Variants in PAPPA observed in about 807,000 individuals in gnomAD.
PAPPA encodes the protein pappalysin 1, also known as pappalysin-1.
A neutral mutation model predicts 164.0 loss-of-function variants in PAPPA; 60 were observed. The ratio of observed to expected loss-of-function variants is 0.37; its 90% confidence interval spans 0.30 to 0.45. The LOEUF (loss-of-function observed/expected upper bound fraction) is 0.45, where lower values mean the gene tolerates loss of function less well. PAPPA is among the 20% of genes least tolerant of loss of function. PAPPA has a pLI of 1.00. For synonymous variants in PAPPA, 875 were observed against 814.1 expected (o/e 1.07, Z -1.27); for missense variants, 1,782 against 2,087.3 (o/e 0.85, Z 2.85).
At chr9:116,178,724 C>A (rs1432956830) in intron 1 of PAPPA, among the ~76,000 whole-genome samples, 1 of 152,304 alleles carries the variant, frequency 6.6e-6, no homozygotes, top group East Asian at 1.9e-4. Context: ...TTAGTTCCCC[C>A]ACTACAACTG....
intron 10 of PAPPA, among the ~76,000 whole-genome samples, chr9:116,321,850 G>T (rs752134338): frequency 3.3e-5 from 5 of 152,188 alleles, no homozygotes; most frequent in Non-Finnish European, 7.3e-5. Flanking sequence ...CTCATACATG[G>T]AGATTCAGAT....
chr9:116,201,605 A>T (rs1440643913), intron 2 of PAPPA, among the ~76,000 whole-genome samples: 3 of 151,886 alleles, frequency 2.0e-5, no homozygotes, highest in African/African-American at 7.3e-5. Flanking sequence ...TGAGTTGGGT[A>T]CTCTTCTAGG....
At chr9:116,393,686 T>C (rs1846923584) in intron 21 of PAPPA, among the ~76,000 whole-genome samples, 1 of 152,162 alleles carries the variant, frequency 6.6e-6, no homozygotes, top group South Asian at 2.1e-4. Flanking sequence ...TTGGTCAGAC[T>C]ACTGAGGGAG....
intron 1 of PAPPA, among the ~76,000 whole-genome samples, chr9:116,161,424 A>C (rs1373407552): frequency 6.6e-6 from 1 of 152,226 alleles, no homozygotes; most frequent in African/African-American, 2.4e-5. Context: ...CTTCTGGGAC[A>C]AGGGTGAAGG....
chr9:116,175,169 G>A (rs900653918), intron 1 of PAPPA, among the ~76,000 whole-genome samples: 5 of 152,110 alleles, frequency 3.3e-5, no homozygotes, highest in Non-Finnish European at 7.4e-5. Context: ...GAAACATCGA[G>A]GGCCAGAAAG....
Position 116,192,728 on chromosome 9 carries a change from A to C in PAPPA, c.1478+4512A>C, listed in dbSNP as rs945749318. On this transcript the variant is annotated intron_variant, in intron 2 of 21. Transcript: ENST00000328252. ...TCCAGGTGAACTGTGGCCATTCTCT[A>C]CAGTGGTGGAGAATAGCCAGGGAGG... is the stretch of plus-strand genomic sequence containing the variant. Among the ~76,000 whole-genome samples the C allele has an allele frequency of 4.6e-5, 7 of 152,360 alleles. No individual in the cohort carries two copies. The South Asian group carries it at 1.5e-3, about 32-fold the overall frequency.
At position 116,207,477 on chromosome 9, in the gene PAPPA, G is replaced by C. The variant is rs866353661; in HGVS notation, c.1500G>C (p.Glu500Asp). 6.2e-7 allele frequency: 1 copy of C among 1,612,532 alleles called. No individual in the cohort carries two copies. The highest frequency in any genetic ancestry group is 1.3e-5 in the African/African-American group (1 of 74,940). The change falls in exon 3 of 22, where the codon GAG becomes GAC. Residue 500 changes from glutamate to aspartate, a missense_variant. Glu to Asp is a conservative substitution (Grantham distance 45, BLOSUM62 2). This residue lies in a region of PAPPA where 1,324 missense variants were observed against 1,656.9 expected (regional missense o/e 0.80). Coordinates refer to ENST00000328252, the MANE Select transcript of PAPPA (RefSeq NM_002581.5). ...SPHRAYLDVN[E>D]LKNILKLDGS... The stretch of plus-strand genomic sequence containing the variant: ...TCAGAGCCTACTTGGATGTTAATGA[G>C]CTGAAGAACATTCTTAAATTGGATG...
chr9:116,247,975 T>G (rs987421903), intron 7 of PAPPA, among the ~76,000 whole-genome samples: 1 of 152,350 alleles, frequency 6.6e-6, no homozygotes, highest in Middle Eastern at 3.4e-3. Context: ...GATAAGATAA[T>G]AGACTTGCAA....
intron 2 of PAPPA, among the ~76,000 whole-genome samples, chr9:116,203,465 A>G (rs1844194352): frequency 6.6e-6 from 1 of 152,194 alleles, no homozygotes; most frequent in South Asian, 2.1e-4. Context: ...GATGGAAAAG[A>G]CAGATGCTCA....
In PAPPA at chr9:116,154,069, A is replaced by G; in HGVS notation, c.-104A>G. 8 of 1,157,244 alleles carry G rather than the reference A, an allele frequency of 6.9e-6. No homozygotes were observed. The highest frequency in any genetic ancestry group is 8.6e-6 in the Non-Finnish European group (8 of 931,476). The allele number at this position is 1,157,244 out of a possible 1,614,324, so 71.7% of individuals were successfully genotyped here. A position where few individuals can be genotyped will look rare whatever the true frequency, so the allele number is the denominator to read the frequency against. On this transcript the variant is annotated 5_prime_UTR_variant, in exon 1 of 22. Transcript: ENST00000328252. The surrounding 1 kb of genome is among the most constrained non-coding windows in gnomAD (Gnocchi z 5.2). ...GCAAGTGGAAAGGGGGGCTCGCCCA[A>G]GAAGGGTGAAGAAGCGAAGAAAGTC...
At chr9:116,275,210 C>T (rs907094090) in intron 9 of PAPPA, among the ~76,000 whole-genome samples, 8 of 152,186 alleles carry the variant, frequency 5.3e-5, no homozygotes, top group Non-Finnish European at 1.2e-4. Flanking sequence ...AGAATCTTGA[C>T]TGAAAATTAT....
intron 6 of PAPPA, among the ~76,000 whole-genome samples, chr9:116,232,616 C>A (rs901353265): frequency 6.6e-6 from 1 of 152,300 alleles, no homozygotes; most frequent in East Asian, 1.9e-4. Flanking sequence ...TTAGTGCCAA[C>A]GTAAAAAGAC....
At chr9:116,277,083 G>C (rs1289216903) in intron 9 of PAPPA, among the ~76,000 whole-genome samples, 1 of 152,180 alleles carries the variant, frequency 6.6e-6, no homozygotes, top group African/African-American at 2.4e-5. Flanking sequence ...CTGGAGGAGA[G>C]GGGGAAGAAT....
chr9:116,167,652 G>T (rs563390115), intron 1 of PAPPA, among the ~76,000 whole-genome samples: 13 of 152,294 alleles, frequency 8.5e-5, no homozygotes, highest in African/African-American at 2.9e-4. Context: ...CATGCTGAGT[G>T]AATATGGGGT....
chr9:116,235,124 A>G lies in PAPPA; in HGVS notation c.2234-15A>G, dbSNP rs372878893. 6 of 1,614,102 alleles carry G rather than the reference A, an allele frequency of 3.7e-6. No homozygotes were observed. The highest frequency in any genetic ancestry group is 5.1e-6 in the Non-Finnish European group (6 of 1,179,966). ...TCTTTCCCCAAGAACTCATTCCCTC[A>G]TCTCTTCTGCATAGGTCATCCTGAT... On this transcript the variant is annotated splice_polypyrimidine_tract_variant and intron_variant, in intron 6 of 21. Transcript: ENST00000328252.
intron 16 of PAPPA, among the ~76,000 whole-genome samples, chr9:116,353,216 C>T (rs964387609): frequency 5.3e-5 from 8 of 151,920 alleles, no homozygotes; most frequent in African/African-American, 1.2e-4. Flanking sequence ...ACAGTTACCA[C>T]GTAAGGTTGT....
At chr9:116,289,206 A>G (rs61057601) in intron 9 of PAPPA, among the ~76,000 whole-genome samples, 1 of 25,866 alleles carries the variant, frequency 3.9e-5, no homozygotes, top group African/African-American at 1.2e-4. Flanking sequence ...GCATATATAT[A>G]TAGCATATAT....
At chr9:116,393,422 T>G (rs1588034242) in intron 21 of PAPPA, among the ~76,000 whole-genome samples, 1 of 152,196 alleles carries the variant, frequency 6.6e-6, no homozygotes, top group Admixed American at 6.5e-5. Context: ...TGCATATTCA[T>G]GCATTCATTT....
At chr9:116,330,628 T>A (rs1165689661) in intron 10 of PAPPA, among the ~76,000 whole-genome samples, 1 of 125,910 alleles carries the variant, frequency 7.9e-6, no homozygotes, top group African/African-American at 2.9e-5. Context: ...TGTGTAGGGG[T>A]GTGTGTGTGT....
Sources: gnomAD v4.1 joint callset for allele counts (sites outside exome capture counted in the v4.1 genomes callset) on GRCh38, gnomAD v4.1.1 for gene constraint, gnomAD v4.1.1 regional missense constraint, Gnocchi (gnomAD v3.1) non-coding constraint, MANE v1.5 for transcripts, NCBI Gene and HGNC (gene_info 2026-07-23, HGNC 2026-07-21) for gene names.